TFR2: variants seen among roughly 807,000 people sequenced by gnomAD.
TFR2 encodes transferrin receptor protein 2.
In TFR2, 64 loss-of-function variants were observed where a neutral mutation model predicts 91.9. The ratio of observed to expected loss-of-function variants is 0.70; its 90% CI spans 0.57 to 0.86. The LOEUF is 0.86. Among genes scored for constraint, TFR2 ranks in the 40% least tolerant of loss-of-function variants. The pLI, the probability that TFR2 is intolerant of heterozygous loss-of-function variation, is 0.00. For missense variants in TFR2, 950 were observed against 1,080.5 expected (o/e 0.88, Z 1.69); for synonymous variants, 454 against 459.6 (o/e 0.99, Z 0.15).
chr7:100,623,099 C>A (rs1423005376), intron 17 of TFR2, among the ~76,000 whole-genome samples: 2 of 151,874 alleles, frequency 1.3e-5, no homozygotes, highest in Non-Finnish European at 2.9e-5. Context: ...ATGGCGAAAC[C>A]CCGTCTCTAC....
intron 1 of TFR2, 47 bp from the exon 2 acceptor site, chr7:100,641,275 G>T (rs1263823337): frequency 2.9e-5 from 45 of 1,529,148 alleles, no homozygotes; most frequent in Middle Eastern, 2.0e-4. Flanking sequence ...GGCCTGGGGG[G>T]TGGGGAGGCA....
intron 17 of TFR2, among the ~76,000 whole-genome samples, chr7:100,621,581 C>A (rs943538775): frequency 1.3e-5 from 2 of 152,108 alleles, no homozygotes; most frequent in African/African-American, 2.4e-5. Flanking sequence ...AACCCCTAAG[C>A]CTGCATGTAG....
In TFR2 at chr7:100,620,478, A is replaced by G. The variant is rs1803071882; in HGVS notation, c.*379T>C. On this transcript the variant is annotated 3_prime_UTR_variant, in exon 18 of 18. Transcript: ENST00000223051. ...CTCCACGCCCCTTTCACCACAGACC[A>G]CCTGTTGGCCATAAGGCTATGGTGC... The G allele has an allele frequency of 4.9e-6, 1 of 202,872 alleles. No homozygotes were observed. The allele number at this position is 202,872 out of a possible 1,614,324, so 12.6% of individuals were successfully genotyped here.
chr7:100,629,202 C>G (rs745569036), intron 10 of TFR2, 51 bp downstream of exon 10: 22 of 1,610,166 alleles, frequency 1.4e-5, no homozygotes, highest in Middle Eastern at 1.7e-4. Flanking sequence ...CTCCTCGGGC[C>G]ACAGGCCCAC....
Position 100,620,875 on chromosome 7 carries a change from G to A in TFR2, c.2388C>T (p.Asn796=). 6.2e-7 allele frequency: 1 copy of A among 1,614,118 alleles called. No individual in the cohort carries two copies. Among genetic ancestry groups the A allele is most frequent in the African/African-American group, 1.3e-5 (1 of 75,082 alleles). ...AANALSGDVW[N]IDNNF ...CAGGGCCTCAGAAGTTGTTATCAAT[G>A]TTCCAGACATCCCCGCTAAGCGCAT... Residue 796 remains asparagine, a synonymous_variant, in exon 18 of 18, where the codon AAC becomes AAT. Transcript: ENST00000223051.
intron 17 of TFR2, among the ~76,000 whole-genome samples, chr7:100,623,606 T>C (rs558158397): frequency 6.6e-6 from 1 of 151,656 alleles, no homozygotes; most frequent in African/African-American, 2.4e-5. Flanking sequence ...ATGGAAACCC[T>C]CATCTCTACA....
At position 100,641,237 on chromosome 7, in the gene TFR2, G is replaced by A. The variant is rs1238721760; in HGVS notation, c.34-9C>T. ...CTTGGGGACAGTTGTTGCTGTGCAG[G>A]CGAGGTGGGCATGAGATTGGGGCAA... On this transcript the variant is annotated splice_polypyrimidine_tract_variant and intron_variant, in intron 1 of 17. Coordinates refer to ENST00000223051, the MANE Select transcript of TFR2 (RefSeq NM_003227.4). 2 of 1,537,910 alleles carry A rather than the reference G, an allele frequency of 1.3e-6. No homozygotes were observed. Among genetic ancestry groups the A allele is most frequent in the Non-Finnish European group, 1.8e-6 (2 of 1,140,060 alleles).
Position 100,620,849 on chromosome 7 carries a change from C to T in TFR2, c.*8G>A. ...CTGGGGGACGGGGATGTGAGGATCCCCAGGGCCTCAGAAGTTGTTATCAAT... is the reference window on the plus strand; with the variant it reads ...CTGGGGGACGGGGATGTGAGGATCCTCAGGGCCTCAGAAGTTGTTATCAAT... On this transcript the variant is annotated 3_prime_UTR_variant, in exon 18 of 18. Transcript: ENST00000223051. 1 of 1,613,942 alleles carries T rather than the reference C, an allele frequency of 6.2e-7. No individual in the cohort carries two copies. The highest frequency in any genetic ancestry group is 8.5e-7 in the Non-Finnish European group (1 of 1,179,850).
chr7:100,639,787 C>CTTTTTTT (rs34001263), intron 3 of TFR2: 1 of 132,884 alleles, frequency 7.5e-6, no homozygotes, highest in African/African-American at 2.8e-5. Flanking sequence ...TTTTTCTTTT[C>CTTTTTTT]TTTTTTTTTT....
In TFR2 at chr7:100,631,850, G is replaced by T; in HGVS notation, c.1062C>A (p.Ile354=). 4 of 1,613,882 alleles carry T rather than the reference G, an allele frequency of 2.5e-6. No individual in the cohort carries two copies. Among genetic ancestry groups the T allele is most frequent in the Non-Finnish European group, 3.4e-6 (4 of 1,179,942 alleles). The part of the protein sequence containing the change: ...PPVASSGLPS[I]PAQPISADIA... ...TGTCTGCACTGATGGGCTGGGCTGG[G>T]ATGCTGGGAAGGCCTGATGATGCAA... is the stretch of plus-strand genomic sequence containing the variant. Residue 354 remains isoleucine, a synonymous_variant, in exon 8 of 18, where the codon ATC becomes ATA. Transcript: ENST00000223051.
intron 3 of TFR2, among the ~76,000 whole-genome samples, chr7:100,634,821 C>T (rs1194758996): frequency 2.0e-5 from 3 of 152,234 alleles, no homozygotes; most frequent in Non-Finnish European, 4.4e-5. Flanking sequence ...TGGCAAATTA[C>T]TCATCTTGGC....
At chr7:100,636,948 A>C (rs1803582022) in intron 3 of TFR2, among the ~76,000 whole-genome samples, 1 of 152,204 alleles carries the variant, frequency 6.6e-6, no homozygotes, top group Non-Finnish European at 1.5e-5. Context: ...CCAGATGACC[A>C]AATACTGCTC....
In TFR2 at chr7:100,626,826, C is replaced by G; in HGVS notation, c.2073G>C (p.Glu691Asp). ...YIRAAEKLRQ[E>D]IYSSEERDER... is the part of the protein sequence containing the mutation. Reference sequence around the variant, plus strand: ...CGTCTCTCTCCTCCGAGCTGTAGATCTCCTGCCGCAGCTTTTCCGCCGCCC... The same window carrying G: ...CGTCTCTCTCCTCCGAGCTGTAGATGTCCTGCCGCAGCTTTTCCGCCGCCC... The change falls in exon 17 of 18, where the codon GAG (glutamate) becomes GAC (aspartate). Residue 691 changes from glutamate (E) to aspartate (D), a missense_variant. Physicochemically the swap from Glu to Asp is conservative, Grantham distance 45 (BLOSUM62 2). Coordinates refer to ENST00000223051, the MANE Select transcript of TFR2 (RefSeq NM_003227.4). 3.2e-6 allele frequency: 5 copies of G among 1,549,620 alleles called. No individual in the cohort carries two copies. The highest frequency in any genetic ancestry group is 2.4e-5 in the South Asian group (2 of 84,060).
chr7:100,623,185 A>C (rs1271426473), intron 17 of TFR2, among the ~76,000 whole-genome samples: 4 of 152,036 alleles, frequency 2.6e-5, no homozygotes, highest in African/African-American at 9.7e-5. Flanking sequence ...AGGCAGGAGA[A>C]TAGCTTTAAC....
Position 100,641,192 on chromosome 7 carries a change from G to T in TFR2, c.70C>A (p.Gln24Lys), listed in dbSNP as rs1340877486. 7 of 1,532,670 alleles carry T rather than the reference G, an allele frequency of 4.6e-6. No homozygotes were observed. The highest frequency in any genetic ancestry group is 6.2e-6 in the Non-Finnish European group (7 of 1,137,702). The allele number at this position is 1,532,670 out of a possible 1,614,324, so 94.9% of individuals were successfully genotyped here. ...CCTTTCCGGGGGCCTTCCACACGCT[G>T]GTAGACGGTCTGAGAGGATCTTGGG... The part of the protein sequence containing the change: ...LSPRSSQTVY[Q>K]RVEGPRKGHL... Residue 24 changes from glutamine (Q) to lysine (K), a missense_variant, in exon 2 of 18, where the codon CAG becomes AAG. By Grantham distance (53) the Gln-to-Lys change is moderately conservative. Transcript: ENST00000223051.
At chr7:100,638,468 G>A (rs906729272) in intron 3 of TFR2, among the ~76,000 whole-genome samples, 6 of 151,836 alleles carry the variant, frequency 4.0e-5, no homozygotes, top group Non-Finnish European at 8.8e-5. Context: ...TTAAAAATTA[G>A]GCTGGGCATG....
At chr7:100,623,158 A>C (rs537306604) in intron 17 of TFR2, among the ~76,000 whole-genome samples, 2 of 152,184 alleles carry the variant, frequency 1.3e-5, no homozygotes, top group African/African-American at 4.8e-5. Flanking sequence ...CTGTTGTCCC[A>C]GCTACTCAGA....
At chr7:100,640,345 T>C (rs1240461830) in intron 3 of TFR2, 2 of 321,580 alleles carry the variant, frequency 6.2e-6, no homozygotes, top group East Asian at 1.3e-4. Flanking sequence ...TCAGAACCCC[T>C]CAGCGCTCCC....
chr7:100,631,971 A>T (rs1287349341), intron 7 of TFR2, 26 bp from the exon 8 acceptor site: 1 of 1,613,934 alleles, frequency 6.2e-7, no homozygotes. Flanking sequence ...TGCCCACGCA[A>T]AGCTGCGAGC....
Sources: allele counts gnomAD v4.1 joint callset (sites outside exome capture counted in the v4.1 genomes callset), GRCh38; gene constraint gnomAD v4.1.1; transcripts MANE v1.5; gene names NCBI Gene and HGNC (gene_info 2026-07-23, HGNC 2026-07-21).